The following SLC9A7 variants were observed in gnomAD, a reference collection of about 807,000 sequenced individuals.
The protein encoded by SLC9A7 is sodium/hydrogen exchanger 7.
Under a neutral mutation model 52.6 loss-of-function variants are expected in SLC9A7, and 19 were observed. The observed-to-expected ratio is 0.36, with a 90% CI of 0.25 to 0.53. SLC9A7 has a LOEUF of 0.53. SLC9A7 is among the 20% of genes least tolerant of loss of function. SLC9A7 has a pLI of 0.91. For synonymous variants in SLC9A7, 226 were observed against 252.1 expected (o/e 0.90, Z 0.98); for missense variants, 455 against 597.9 (o/e 0.76, Z 2.49).
intron 15 of SLC9A7, among the ~76,000 whole-genome samples, chrX:46,618,714 C>A (rs1162934301): frequency 8.9e-6 from 1 of 112,139 alleles, no homozygotes; most frequent in Non-Finnish European, 1.9e-5. Context: ...GAGGCCAAGG[C>A]AGGTGGATAA....
rs754406301 is a variant in SLC9A7 at position 46,611,700 on chromosome X, C to T, written c.1929+1589G>A. Among the ~76,000 whole-genome samples, 3 of 112,377 alleles carry T rather than the reference C, an allele frequency of 2.7e-5. No individual in the cohort carries two copies. In the South Asian group the frequency reaches 1.1e-3, roughly 41 times the overall value. On this transcript the variant is annotated intron_variant, in intron 16 of 16. Coordinates refer to ENST00000616978, the MANE Select transcript of SLC9A7 (RefSeq NM_001257291.2). The stretch of plus-strand genomic sequence containing the variant: ...TCCTCTGAGGGGGCCAAGGAGAGGT[C>T]CGAGGGCCTAGGGATGACAGACACA...
chrX:46,727,237 C>A (rs1056123954), intron 1 of SLC9A7, among the ~76,000 whole-genome samples: 1 of 112,325 alleles, frequency 8.9e-6, no homozygotes, highest in Non-Finnish European at 1.9e-5. Context: ...ACACAGCCTG[C>A]TTCACCCTTT....
chrX:46,680,695 A>C (rs1281520137), intron 2 of SLC9A7, among the ~76,000 whole-genome samples: 1 of 112,537 alleles, frequency 8.9e-6, no homozygotes, highest in Non-Finnish European at 1.9e-5. Context: ...AAAATTAAGC[A>C]TGCTATAAAC....
At chrX:46,629,337 G>T (rs1943186196) in intron 14 of SLC9A7, among the ~76,000 whole-genome samples, 1 of 112,125 alleles carries the variant, frequency 8.9e-6, no homozygotes, top group Non-Finnish European at 1.9e-5. Context: ...TCCACCTGGG[G>T]GTGGGGGCTA....
At chrX:46,750,166 G>A (rs1309568049) in intron 1 of SLC9A7, among the ~76,000 whole-genome samples, 5 of 111,085 alleles carry the variant, frequency 4.5e-5, no homozygotes, top group Admixed American at 2.9e-4. Flanking sequence ...CCTAGGAAGT[G>A]GTAATGGGCG....
intron 3 of SLC9A7, among the ~76,000 whole-genome samples, chrX:46,675,256 G>T (rs1944100613): frequency 9.0e-6 from 1 of 110,710 alleles, no homozygotes; most frequent in Non-Finnish European, 1.9e-5. Context: ...GAAAGCCCAG[G>T]TCTGCATGAT....
At chrX:46,729,221 ATAAT>A (rs1415681266) in intron 1 of SLC9A7, among the ~76,000 whole-genome samples, 1 of 112,520 alleles carries the variant, frequency 8.9e-6, no homozygotes, top group Non-Finnish European at 1.9e-5. Flanking sequence ...GAAGAGTGCA[ATAAT>A]TAAATAACTT....
intron 1 of SLC9A7, among the ~76,000 whole-genome samples, chrX:46,704,064 A>G (rs1238334078): frequency 9.0e-6 from 1 of 111,469 alleles, no homozygotes; most frequent in Non-Finnish European, 1.9e-5. Flanking sequence ...CTACTTCTCC[A>G]TTCTTGGCGC....
At chrX:46,738,740 A>G (rs758672476) in intron 1 of SLC9A7, among the ~76,000 whole-genome samples, 16 of 108,760 alleles carry the variant, frequency 1.5e-4, no homozygotes, top group African/African-American at 5.4e-4. Flanking sequence ...ACTCCACTCC[A>G]GCCTGGGCGA....
intron 1 of SLC9A7, among the ~76,000 whole-genome samples, chrX:46,685,891 A>T (rs1011594197): frequency 8.9e-6 from 1 of 111,895 alleles, no homozygotes; most frequent in African/African-American, 3.3e-5. Flanking sequence ...TCATTTACAG[A>T]CTATCTTTCT....
chrX:46,631,690 C>G, intron 13 of SLC9A7, 41 bp from the exon 14 acceptor site: 1 of 1,092,389 alleles, frequency 9.2e-7, no homozygotes, highest in Non-Finnish European at 1.3e-6. Flanking sequence ...AAAAACAGAG[C>G]GTATTAGCTT....
At chrX:46,662,503 G>T in intron 6 of SLC9A7, 35 bp downstream of exon 6, 1 of 1,035,410 alleles carries the variant, frequency 9.7e-7, no homozygotes, top group Non-Finnish European at 1.4e-6. Flanking sequence ...AGGAAACTGG[G>T]GTGTCTCTTC....
chrX:46,728,162 G>A (rs1189160444), intron 1 of SLC9A7, among the ~76,000 whole-genome samples: 1 of 111,489 alleles, frequency 9.0e-6, no homozygotes, highest in African/African-American at 3.3e-5. Flanking sequence ...TTGATAAACA[G>A]GACTTTGTCA....
At chrX:46,705,980 G>A (rs1382398183) in intron 1 of SLC9A7, among the ~76,000 whole-genome samples, 1 of 110,151 alleles carries the variant, frequency 9.1e-6, no homozygotes, top group Admixed American at 9.7e-5. Flanking sequence ...CAGATTAAGA[G>A]AGATTTATGA....
intron 7 of SLC9A7, among the ~76,000 whole-genome samples, chrX:46,658,420 T>C (rs1426224223): frequency 1.8e-5 from 2 of 108,457 alleles, no homozygotes; most frequent in Non-Finnish European, 3.8e-5. Flanking sequence ...TTCAAAAAAT[T>C]AATGAATCCA....
chrX:46,670,048 C>T (rs1943994014), intron 4 of SLC9A7, among the ~76,000 whole-genome samples: 1 of 111,630 alleles, frequency 9.0e-6, no homozygotes, highest in Non-Finnish European at 1.9e-5. Context: ...AAGGAAGAGA[C>T]AGAACCTGGC....
At chrX:46,674,235 A>G (rs1944072735) in intron 3 of SLC9A7, among the ~76,000 whole-genome samples, 1 of 111,949 alleles carries the variant, frequency 8.9e-6, no homozygotes, top group Non-Finnish European at 1.9e-5. Context: ...ATACATATTC[A>G]TGACATTAGC....
chrX:46,738,346 C>A (rs1448846374), intron 1 of SLC9A7, among the ~76,000 whole-genome samples: 1 of 112,385 alleles, frequency 8.9e-6, no homozygotes, highest in Non-Finnish European at 1.9e-5. Flanking sequence ...CCAGACCAAG[C>A]CCTCCACACC....
At chrX:46,738,057 A>G (rs1164805701) in intron 1 of SLC9A7, among the ~76,000 whole-genome samples, 2 of 65,117 alleles carry the variant, frequency 3.1e-5, no homozygotes, top group Non-Finnish European at 7.6e-5. Flanking sequence ...GAAAGAAAGA[A>G]AGAAAGAAAG....
Sources: allele counts gnomAD v4.1 joint callset (sites outside exome capture counted in the v4.1 genomes callset), GRCh38; gene constraint gnomAD v4.1.1; transcripts MANE v1.5; gene names NCBI Gene and HGNC (gene_info 2026-07-23, HGNC 2026-07-21).